Variants in CCL25 observed in about 807,000 individuals in gnomAD.
CCL25 encodes the protein C-C motif chemokine ligand 25, also known as C-C motif chemokine 25.
A neutral mutation model predicts 19.9 loss-of-function variants in CCL25; 14 were observed. The ratio of observed to expected loss-of-function variants is 0.70; its 90% CI spans 0.47 to 1.10. The LOEUF is 1.10. Among genes scored for constraint, CCL25 ranks in the 50% least tolerant of loss-of-function variants. The pLI is 0.00. For missense variants in CCL25, 151 were observed against 181.2 expected, an observed-to-expected ratio of 0.83 and a Z score of 0.96; for synonymous variants, 68 against 73.2, an observed-to-expected ratio of 0.93 and a Z score of 0.36.
chr19:8,058,358 AATATATAATATATAAAT>A (rs2081288218), intron 5 of CCL25, among the ~76,000 whole-genome samples: 1 of 127,792 alleles, frequency 7.8e-6, no homozygotes, highest in Non-Finnish European at 1.6e-5. Context: ...TATATAAGTA[AATATATAATATATAAAT>A]ATATATAATA....
At position 8,056,347 on chromosome 19, in the gene CCL25, C is replaced by A. The variant is rs768709245; in HGVS notation, c.192-19C>A. The A allele has an allele frequency of 5.6e-6, 9 of 1,612,494 alleles. No individual in the cohort carries two copies. The highest frequency in any genetic ancestry group is 4.4e-5 in the South Asian group (4 of 90,706). ...CCAGCCTACACCCTAACCTGGGCAC[C>A]CCCCTCTGCTCACCACAGATTCTAC... On this transcript the variant is annotated intron_variant, in intron 3 of 5. Coordinates refer to ENST00000315626, the MANE Select transcript of CCL25 (RefSeq NM_005624.4).
chr19:8,052,896 A>G lies in CCL25; in HGVS notation c.-51+74A>G, dbSNP rs936296964. 1.3e-5 allele frequency: 7 copies of G among 544,578 alleles called. No homozygotes were observed. In the South Asian group the frequency reaches 1.3e-4, roughly 10 times the overall value. The allele number at this position is 544,578 out of a possible 1,614,324, so 33.7% of individuals were successfully genotyped here. On this transcript the variant is annotated intron_variant, in intron 1 of 5. Transcript: ENST00000315626. ...GCACAACTTGTTCCTACTTTATACA[A>G]CCTCCTTCCCTTGCCATATGCCTGG... is the stretch of plus-strand genomic sequence containing the variant.
chr19:8,062,067 AAGTT>A (rs1243245681), intron 5 of CCL25, 147 bp from the exon 6 acceptor site: 1 of 665,466 alleles, frequency 1.5e-6, no homozygotes, highest in Non-Finnish European at 2.5e-6. Flanking sequence ...AAAAAAAAAA[AAGTT>A]AGCATAAAAG....
chr19:8,058,246 GTC>G (rs199565273), intron 5 of CCL25, among the ~76,000 whole-genome samples: 7,655 of 144,888 alleles, frequency 0.053, 325 homozygotes, highest in Non-Finnish European at 0.076. Flanking sequence ...GTGTGTGTGT[GTC>G]TCTCTCTATA....
At chr19:8,058,252 CT>C in intron 5 of CCL25, among the ~76,000 whole-genome samples, 1 of 144,550 alleles carries the variant, frequency 6.9e-6, no homozygotes, top group Non-Finnish European at 1.5e-5. Flanking sequence ...GTGTGTCTCT[CT>C]CTATATATAC....
rs199918432 is a variant in CCL25, at chr19:8,056,190, A to G, written c.112A>G (p.Ile38Val). ...CTGCTGCCTGGCCTACCACTACCCC[A>G]TTGGGTGGGCTGTGCTCCGGCGCGC... ...EDCCLAYHYP[I>V]GWAVLRRAWT... The change falls in exon 3 of 6, where the codon ATT becomes GTT. Residue 38 changes from isoleucine to valine, a missense_variant. By Grantham distance (29) the Ile-to-Val change is conservative. Coordinates refer to ENST00000315626, the MANE Select transcript of CCL25 (RefSeq NM_005624.4). 9.2e-5 allele frequency: 143 copies of G among 1,556,716 alleles called. 1 individual carries two copies. The highest frequency in any genetic ancestry group is 1.2e-4 in the Non-Finnish European group (141 of 1,153,534).
intron 2 of CCL25, among the ~76,000 whole-genome samples, chr19:8,053,571 C>CAA (rs2081248069): frequency 7.6e-6 from 1 of 130,770 alleles, no homozygotes; most frequent in Non-Finnish European, 1.6e-5. Context: ...TTTTTTGAGA[C>CAA]AGAGTCTCAC....
intron 2 of CCL25, among the ~76,000 whole-genome samples, chr19:8,055,626 G>A (rs968823445): frequency 6.6e-6 from 1 of 151,690 alleles, no homozygotes; most frequent in Non-Finnish European, 1.5e-5. Context: ...GAGCCACCGC[G>A]CCCGGCCTAA....
At position 8,056,281 on chromosome 19, in the gene CCL25, C is replaced by A. The variant is rs201319914; in HGVS notation, c.191+12C>A. 23 of 468,660 alleles carry A rather than the reference C, an allele frequency of 4.9e-5. No individual in the cohort carries two copies. Among genetic ancestry groups the A allele is most frequent in the Non-Finnish European group, 8.2e-5 (23 of 281,432 alleles). 29.0% of individuals were successfully genotyped at this position (468,660 alleles called of 1,614,324 possible). A position where few individuals can be genotyped will look rare whatever the true frequency, so the allele number is the denominator to read the frequency against. ...CTGCCTGCTGCGATGTGAGTGGGGC[C>A]GTGGGGGCTGGGGGGGTGGGGTGCA... On this transcript the variant is annotated intron_variant, in intron 3 of 5. Coordinates refer to ENST00000315626, the MANE Select transcript of CCL25 (RefSeq NM_005624.4).
Position 8,056,217 on chromosome 19 carries a change from T to G in CCL25, c.139T>G (p.Trp47Gly). Residue 47 changes from tryptophan (W) to glycine (G), a missense_variant, in exon 3 of 6, where the codon TGG becomes GGG. By Grantham distance (184) the Trp-to-Gly change is radical. Coordinates refer to ENST00000315626, the MANE Select transcript of CCL25 (RefSeq NM_005624.4). The stretch of plus-strand genomic sequence containing the variant: ...TGGGTGGGCTGTGCTCCGGCGCGCC[T>G]GGACTTACCGGATCCAGGAGGTGAG... ...PIGWAVLRRA[W>G]TYRIQEVSGS... is the part of the protein sequence containing the mutation. 6.4e-7 allele frequency: 1 copy of G among 1,565,570 alleles called. No individual in the cohort carries two copies.
At chr19:8,059,767 C>T (rs2081305222) in intron 5 of CCL25, among the ~76,000 whole-genome samples, 1 of 152,070 alleles carries the variant, frequency 6.6e-6, no homozygotes, top group Non-Finnish European at 1.5e-5. Context: ...AATCCTAGCA[C>T]TTTGAGAGGC....
At chr19:8,056,981 T>A (rs969500451) in intron 4 of CCL25, among the ~76,000 whole-genome samples, 1 of 152,148 alleles carries the variant, frequency 6.6e-6, no homozygotes, top group Admixed American at 6.6e-5. Context: ...TAGCTGGGAC[T>A]ACAGGCATGC....
intron 5 of CCL25, among the ~76,000 whole-genome samples, chr19:8,059,138 TTATATAATATATAATA>T (rs200252064): frequency 0.35 from 28,427 of 81,256 alleles, 4,182 homozygotes; most frequent in East Asian, 0.51. Context: ...TAAATATATA[TTATATAATATATAATA>T]TATATAATAT....
chr19:8,058,525 AAAT>A (rs2081291010), intron 5 of CCL25, among the ~76,000 whole-genome samples: 4 of 115,256 alleles, frequency 3.5e-5, no homozygotes, highest in Non-Finnish European at 5.2e-5. Flanking sequence ...TATAATATAT[AAAT>A]AATATATAAT....
At chr19:8,057,583 TG>T (rs1166614518) in intron 4 of CCL25, among the ~76,000 whole-genome samples, 2 of 152,094 alleles carry the variant, frequency 1.3e-5, no homozygotes, top group African/African-American at 4.8e-5. Context: ...CCACCTGCCT[TG>T]GCCTCCCAAA....
At chr19:8,058,749 T>G (rs1383578751) in intron 5 of CCL25, among the ~76,000 whole-genome samples, 1 of 138,630 alleles carries the variant, frequency 7.2e-6, no homozygotes, top group African/African-American at 2.6e-5. Flanking sequence ...AGCTCCACCT[T>G]CCGGGTTCAC....
chr19:8,057,057 G>A (rs1052793956), intron 4 of CCL25, among the ~76,000 whole-genome samples: 1 of 152,094 alleles, frequency 6.6e-6, no homozygotes, highest in African/African-American at 2.4e-5. Flanking sequence ...GTCTTGCTGT[G>A]TCATCCAGGC....
At chr19:8,057,138 AG>A (rs113506845) in intron 4 of CCL25, among the ~76,000 whole-genome samples, 33,940 of 151,854 alleles carry the variant, frequency 0.22, 3,967 homozygotes, top group Admixed American at 0.27. Flanking sequence ...CTCCCGCCTC[AG>A]CCCCCTAAGT....
At chr19:8,056,643 T>C in intron 4 of CCL25, 144 bp downstream of exon 4, 4 of 897,626 alleles carry the variant, frequency 4.5e-6, no homozygotes, top group Non-Finnish European at 6.7e-6. Flanking sequence ...TGCTGGTGAG[T>C]GGGGCACCAA....
Sources: gnomAD v4.1 joint callset for allele counts (sites outside exome capture counted in the v4.1 genomes callset) on GRCh38, gnomAD v4.1.1 for gene constraint, MANE v1.5 for transcripts, NCBI Gene and HGNC (gene_info 2026-07-23, HGNC 2026-07-21) for gene names.